The following LAMA2 variants were observed in gnomAD, a reference collection of about 807,000 sequenced individuals.
LAMA2 encodes the protein laminin subunit alpha-2.
Under a neutral mutation model 364.8 loss-of-function variants are expected in LAMA2, and 269 were observed. The observed-to-expected ratio is 0.74, with a 90% confidence interval of 0.67 to 0.82. The LOEUF is 0.82. LAMA2 is among the 40% of genes least tolerant of loss of function. LAMA2 has a pLI of 0.00. For synonymous variants in LAMA2, 1,379 were observed against 1,370.6 expected (o/e 1.01, Z -0.14); for missense variants, 3,807 against 3,873.2 (o/e 0.98, Z 0.45).
intron 12 of LAMA2, among the ~76,000 whole-genome samples, chr6:129,240,480 T>C (rs1409848023): frequency 6.6e-6 from 1 of 152,208 alleles, no homozygotes; most frequent in Non-Finnish European, 1.5e-5. Flanking sequence ...AAAACAATCA[T>C]GCTTTTCCTA....
chr6:129,210,866 C>T (rs955512326), intron 12 of LAMA2, among the ~76,000 whole-genome samples: 1 of 152,056 alleles, frequency 6.6e-6, no homozygotes, highest in Non-Finnish European at 1.5e-5. Context: ...CAGATGCTGG[C>T]TACAGTGGTC....
chr6:129,365,546 A>G (rs1403479816), intron 32 of LAMA2, among the ~76,000 whole-genome samples: 1 of 152,074 alleles, frequency 6.6e-6, no homozygotes, highest in East Asian at 1.9e-4. Flanking sequence ...TATTTTTAGT[A>G]GAGACAGGGT....
At chr6:129,347,461 C>A (rs1299330003) in intron 30 of LAMA2, among the ~76,000 whole-genome samples, 1 of 152,070 alleles carries the variant, frequency 6.6e-6, no homozygotes, top group Non-Finnish European at 1.5e-5. Flanking sequence ...AGATCAAGGA[C>A]ATGCCATAGA....
At chr6:129,496,533 T>A (rs1303743828) in intron 58 of LAMA2, among the ~76,000 whole-genome samples, 1 of 152,206 alleles carries the variant, frequency 6.6e-6, no homozygotes, top group African/African-American at 2.4e-5. Flanking sequence ...TTTTTAGAAC[T>A]TTCCATCTCT....
chr6:129,348,657 C>A (rs1776694191), intron 30 of LAMA2, among the ~76,000 whole-genome samples: 1 of 151,732 alleles, frequency 6.6e-6, no homozygotes, highest in Non-Finnish European at 1.5e-5. Flanking sequence ...TTTATAAGAC[C>A]TAATTATTAG....
chr6:129,116,648 G>C (rs1776501239), intron 4 of LAMA2, among the ~76,000 whole-genome samples: 1 of 142,484 alleles, frequency 7.0e-6, no homozygotes, highest in African/African-American at 2.8e-5. Flanking sequence ...GTTTTTAAAG[G>C]AGATGAATTA....
chr6:129,145,520 C>T (rs1778382824), intron 5 of LAMA2, among the ~76,000 whole-genome samples: 1 of 151,872 alleles, frequency 6.6e-6, no homozygotes, highest in African/African-American at 2.4e-5. Flanking sequence ...CCAAGGAAGA[C>T]TGGTGTGAAA....
chr6:129,445,515 C>T, intron 44 of LAMA2, 152 bp from the exon 45 acceptor site: 1 of 671,662 alleles, frequency 1.5e-6, no homozygotes, highest in Non-Finnish European at 2.6e-6. Flanking sequence ...AAAATATTGA[C>T]ATTTGCCATC....
At chr6:129,353,082 A>T in intron 31 of LAMA2, 82 bp from the exon 32 acceptor site, 1 of 1,094,898 alleles carries the variant, frequency 9.1e-7, no homozygotes, top group Non-Finnish European at 1.3e-6. Context: ...GTTTTGTTGC[A>T]TCAAAACAAA....
At chr6:129,188,276 A>T (rs1459381905) in intron 10 of LAMA2, among the ~76,000 whole-genome samples, 1 of 151,948 alleles carries the variant, frequency 6.6e-6, no homozygotes, top group Non-Finnish European at 1.5e-5. Flanking sequence ...TTATTAAATA[A>T]AATTGAATGT....
chr6:128,948,285 T>C (rs1489182068), intron 1 of LAMA2, among the ~76,000 whole-genome samples: 1 of 152,150 alleles, frequency 6.6e-6, no homozygotes, highest in Non-Finnish European at 1.5e-5. Flanking sequence ...GGGAACTCTA[T>C]AGGAATACTA....
intron 1 of LAMA2, among the ~76,000 whole-genome samples, chr6:128,962,715 C>T (rs1434602019): frequency 6.6e-6 from 1 of 152,126 alleles, no homozygotes; most frequent in Non-Finnish European, 1.5e-5. Flanking sequence ...TGATGTGGAC[C>T]TCTGGGTACT....
At position 129,492,136 on chromosome 6, in the gene LAMA2, G is replaced by A. The variant is rs183471250; in HGVS notation, c.8075+59G>A. The stretch of plus-strand genomic sequence containing the variant: ...TTTATTTTTATTTCTTGCTATTAGG[G>A]GTCCCAATGCATCTACATTGTCTAC... On this transcript the variant is annotated intron_variant, in intron 57 of 64. Coordinates refer to ENST00000421865, the MANE Select transcript of LAMA2 (RefSeq NM_000426.4). 8.0e-6 allele frequency: 12 copies of A among 1,496,180 alleles called. No homozygotes were observed. In the African/African-American group the frequency reaches 1.5e-4, roughly 19 times the overall value. 92.7% of individuals were successfully genotyped at this position (1,496,180 alleles called of 1,614,324 possible). A position where few individuals can be genotyped will look rare whatever the true frequency, so the allele number is the denominator to read the frequency against.
At chr6:129,065,381 G>A (rs892619948) in intron 3 of LAMA2, among the ~76,000 whole-genome samples, 5 of 151,912 alleles carry the variant, frequency 3.3e-5, no homozygotes, top group African/African-American at 9.7e-5. Context: ...ACTTCTATTT[G>A]GCATAATACT....
chr6:129,303,265 T>C (rs1773661299), intron 22 of LAMA2, among the ~76,000 whole-genome samples: 2 of 152,260 alleles, frequency 1.3e-5, no homozygotes, highest in South Asian at 4.1e-4. Context: ...AATAGAAAAA[T>C]ACAATTATTT....
chr6:128,883,383 T>G, intron 1 of LAMA2, 26 bp downstream of exon 1: 1 of 1,564,874 alleles, frequency 6.4e-7, no homozygotes, highest in Non-Finnish European at 8.7e-7. Flanking sequence ...GGGCTTGGGT[T>G]GCATCCTTTG....
At chr6:129,168,865 T>C (rs1445938385) in intron 9 of LAMA2, among the ~76,000 whole-genome samples, 1 of 146,396 alleles carries the variant, frequency 6.8e-6, no homozygotes, top group Non-Finnish European at 1.5e-5. Context: ...TAGTTCTCCT[T>C]GAAGAGGTCC....
intron 1 of LAMA2, among the ~76,000 whole-genome samples, chr6:129,048,354 A>G (rs1000243028): frequency 6.6e-6 from 1 of 152,138 alleles, no homozygotes. Context: ...GATCTTGGTA[A>G]AAAAGGCAGA....
intron 8 of LAMA2, among the ~76,000 whole-genome samples, chr6:129,160,356 A>G (rs1227423558): frequency 1.3e-5 from 2 of 152,116 alleles, no homozygotes; most frequent in Non-Finnish European, 2.9e-5. Context: ...CAATTCATCT[A>G]AATTGTCAAA....
Sources: allele counts gnomAD v4.1 joint callset (sites outside exome capture counted in the v4.1 genomes callset), GRCh38; gene constraint gnomAD v4.1.1; transcripts MANE v1.5; gene names NCBI Gene and HGNC (gene_info 2026-07-23, HGNC 2026-07-21).